CASP10: variants seen among roughly 807,000 people sequenced by gnomAD.
The protein encoded by CASP10 is caspase 10.
A neutral mutation model predicts 48.5 loss-of-function variants in CASP10; 41 were observed. The observed-to-expected ratio is 0.85, with a 90% CI of 0.66 to 1.10. The LOEUF is 1.10. CASP10 is among the 50% of genes least tolerant of loss of function. The probability of loss-of-function intolerance (pLI) is 0.00; values close to 1 mark genes in which losing one functional copy is unlikely to be tolerated. For missense variants in CASP10, 614 were observed against 614.5 expected (o/e 1.00, Z 0.01); for synonymous variants, 232 against 238.4 (o/e 0.97, Z 0.25).
rs1945613201 is a variant in CASP10 at position 201,217,617 on chromosome 2, C to T, written c.1445C>T (p.Ala482Val). The T allele has an allele frequency of 1.2e-6, 2 of 1,614,040 alleles. No homozygotes were observed. Among genetic ancestry groups the T allele is most frequent in the South Asian group, 1.1e-5 (1 of 91,078 alleles). ...RHEDILSILT[A>V]VNDDVSRRVD... ...GAAGACATCTTATCCATCCTCACTG[C>T]TGTCAACGATGATGTGAGTCGAAGA... The change falls in exon 10 of 10, where the codon GCT becomes GTT. Residue 482 changes from alanine (A) to valine (V), a missense_variant. Physicochemically the swap from Ala to Val is moderately conservative, Grantham distance 64. Coordinates refer to ENST00000286186, the MANE Select transcript of CASP10 (RefSeq NM_032977.4).
chr2:201,227,759 C>A (rs1315506993), intron 9 of CASP10, among the ~76,000 whole-genome samples: 1 of 151,774 alleles, frequency 6.6e-6, no homozygotes, highest in Non-Finnish European at 1.5e-5. Flanking sequence ...CAGGGTTTCA[C>A]TGTGTTAGCC....
chr2:201,208,968 G>A (rs1945298535), intron 8 of CASP10, 102 bp from the exon 9 acceptor site: 2 of 1,329,692 alleles, frequency 1.5e-6, no homozygotes, highest in South Asian at 1.3e-5. Context: ...GTGAGCCACT[G>A]TGCCCGGCCT....
At chr2:201,206,265 T>G (rs1358292209) in intron 7 of CASP10, 3 of 258,176 alleles carry the variant, frequency 1.2e-5, no homozygotes, top group Non-Finnish European at 2.3e-5. Context: ...GGGTAGTTTC[T>G]TTTCTTATCC....
At chr2:201,211,153 T>C (rs1257624065) in intron 9 of CASP10, among the ~76,000 whole-genome samples, 1 of 152,162 alleles carries the variant, frequency 6.6e-6, no homozygotes, top group Non-Finnish European at 1.5e-5. Flanking sequence ...GATTGATCGA[T>C]TGATTTAAAT....
At position 201,193,027 on chromosome 2, in the gene CASP10, T is replaced by TAG; in HGVS notation, c.487_488dup (p.Asp163GlufsTer6). The TAG allele has an allele frequency of 1.2e-6, 2 of 1,613,674 alleles. No homozygotes were observed. Among genetic ancestry groups the TAG allele is most frequent in the African/African-American group, 2.7e-5 (2 of 74,988 alleles). ...GCATTTCTAGAGAAACAAGGTAAAA[T>TAG]AGATGAAGATAATCTGACATGCCTG... On this transcript the variant is annotated frameshift_variant, in exon 4 of 10. Transcript: ENST00000286186. LOFTEE classifies it high-confidence loss of function.
chr2:201,198,243 A>T (rs554974409), intron 5 of CASP10, among the ~76,000 whole-genome samples: 138 of 128,372 alleles, frequency 1.1e-3, no homozygotes, highest in African/African-American at 3.8e-3. Context: ...TTTTTTTTTG[A>T]GACGGAGTCT....
chr2:201,197,367 C>A (rs765235589), intron 5 of CASP10, among the ~76,000 whole-genome samples: 4 of 152,166 alleles, frequency 2.6e-5, no homozygotes, highest in Non-Finnish European at 5.9e-5. Context: ...CCAATCCCAG[C>A]ACTTTGAGAG....
At chr2:201,194,244 A>C (rs1169587161) in intron 4 of CASP10, among the ~76,000 whole-genome samples, 1 of 152,044 alleles carries the variant, frequency 6.6e-6, no homozygotes, top group Non-Finnish European at 1.5e-5. Context: ...TGTTTTTCTG[A>C]GTTCATTTCT....
rs1945283271 is a variant in CASP10 at position 201,208,475 on chromosome 2, A to G, written c.922+292A>G. 1.7e-5 allele frequency: 9 copies of G among 525,742 alleles called. No individual in the cohort carries two copies. In the South Asian group the frequency reaches 7.5e-4, roughly 44 times the overall value. The allele number at this position is 525,742 out of a possible 1,614,324, so 32.6% of individuals were successfully genotyped here. A position where few individuals can be genotyped will look rare whatever the true frequency, so the allele number is the denominator to read the frequency against. On this transcript the variant is annotated intron_variant, in intron 8 of 9. Coordinates refer to ENST00000286186, the MANE Select transcript of CASP10 (RefSeq NM_032977.4). ...AGCTCCACCACTAACTAGGTGTGTG[A>G]TCATGGGAGAGTCAAGAGACCTTGG... is the stretch of plus-strand genomic sequence containing the variant.
In CASP10 at chr2:201,209,529, C is replaced by G; in HGVS notation, c.1382C>G (p.Ser461Cys). 1 of 1,612,558 alleles carries G rather than the reference C, an allele frequency of 6.2e-7. No individual in the cohort carries two copies. The highest frequency in any genetic ancestry group is 1.1e-5 in the South Asian group (1 of 90,742). Residue 461 changes from serine to cysteine, a missense_variant, in exon 9 of 10, where the codon TCT becomes TGT. Coordinates refer to ENST00000286186, the MANE Select transcript of CASP10 (RefSeq NM_032977.4). Reference sequence around the variant, plus strand: ...GAGGAAGGCAGCTGGTATATTCAGTCTCTGTGTAATCATCTGAAGAAATTG... The same window carrying G: ...GAGGAAGGCAGCTGGTATATTCAGTGTCTGTGTAATCATCTGAAGAAATTG... The part of the protein sequence containing the change: ...HVEEGSWYIQ[S>C]LCNHLKKLVP...
chr2:201,228,603 C>G (rs1354388646), intron 9 of CASP10, among the ~76,000 whole-genome samples: 3 of 152,132 alleles, frequency 2.0e-5, no homozygotes, highest in Non-Finnish European at 4.4e-5. Context: ...TTTTACAGAT[C>G]AGAAAATCAA....
chr2:201,219,162 C>T lies in CASP10; in HGVS notation c.*1421C>T, dbSNP rs1455909603. On this transcript the variant is annotated 3_prime_UTR_variant, in exon 10 of 10. Transcript: ENST00000286186. ...GCGAGCACCTGTAATCCCAGCTACT[C>T]GGGAGGCTGAGACAGGAGAATCTCT... 9.4e-6 allele frequency: 2 copies of T among 212,914 alleles called. No individual in the cohort carries two copies. The highest frequency in any genetic ancestry group is 1.6e-5 in the Non-Finnish European group (2 of 123,794). 13.2% of individuals were successfully genotyped at this position (212,914 alleles called of 1,614,324 possible). A position where few individuals can be genotyped will look rare whatever the true frequency, so the allele number is the denominator to read the frequency against.
At chr2:201,208,346 A>G (rs1945277480) in intron 8 of CASP10, 163 bp downstream of exon 8, 1 of 985,336 alleles carries the variant, frequency 1.0e-6, no homozygotes, top group Middle Eastern at 5.2e-4. Flanking sequence ...CAGTCTGCTA[A>G]AGAGTGGCAA....
At chr2:201,200,475 C>G in intron 5 of CASP10, 1 of 1,598,338 alleles carries the variant, frequency 6.3e-7, no homozygotes, top group East Asian at 2.2e-5. Context: ...ATGAAGGAGA[C>G]CGTGGAAACT....
At chr2:201,199,865 T>C (rs1318458715) in intron 5 of CASP10, among the ~76,000 whole-genome samples, 1 of 152,188 alleles carries the variant, frequency 6.6e-6, no homozygotes. Flanking sequence ...TGAGCCACCA[T>C]GCTTGGCATA....
chr2:201,214,788 G>C (rs1945515872), intron 9 of CASP10: 1 of 152,064 alleles, frequency 6.6e-6, no homozygotes. Flanking sequence ...ACATTTGCTA[G>C]GGTGAAGTGT....
chr2:201,190,224 C>T (rs1274013871), intron 3 of CASP10, among the ~76,000 whole-genome samples: 2 of 152,020 alleles, frequency 1.3e-5, no homozygotes, highest in South Asian at 2.1e-4. Flanking sequence ...ACCACAAACT[C>T]GATGCTGGCA....
rs372456822 is a variant in CASP10, at chr2:201,217,780, A to C, written c.*39A>C. 1 of 1,613,584 alleles carries C rather than the reference A, an allele frequency of 6.2e-7. No homozygotes were observed. The highest frequency in any genetic ancestry group is 1.3e-5 in the African/African-American group (1 of 75,038). On this transcript the variant is annotated 3_prime_UTR_variant, in exon 10 of 10. Coordinates refer to ENST00000286186, the MANE Select transcript of CASP10 (RefSeq NM_032977.4). The stretch of plus-strand genomic sequence containing the variant: ...TTGGTTCTTAGACCTCAAACGAATC[A>C]TTGGCTATAACCTCCAGCCTCCTGC...
chr2:201,227,936 A>C (rs879476550), intron 9 of CASP10, among the ~76,000 whole-genome samples: 7 of 152,148 alleles, frequency 4.6e-5, no homozygotes, highest in Non-Finnish European at 1.0e-4. Flanking sequence ...CATGACACCC[A>C]CAACGCCCAA....
Sources: allele counts gnomAD v4.1 joint callset (sites outside exome capture counted in the v4.1 genomes callset), GRCh38; gene constraint gnomAD v4.1.1; transcripts MANE v1.5; gene names NCBI Gene and HGNC (gene_info 2026-07-23, HGNC 2026-07-21).